The following ZFPM2 variants were observed in gnomAD, a reference collection of about 807,000 sequenced individuals.
ZFPM2 encodes the protein zinc finger protein, FOG family member 2.
ZFPM2 carries 20 observed loss-of-function variants against 98.6 expected under a neutral mutation model. That is an observed-to-expected ratio of 0.20 (90% CI 0.14 to 0.29). The LOEUF is 0.29. ZFPM2 is among the 10% of genes least tolerant of loss of function. The pLI, the probability that ZFPM2 is intolerant of heterozygous loss-of-function variation, is 1.00. For synonymous variants in ZFPM2, 518 were observed against 502.7 expected (o/e 1.03, Z -0.41); for missense variants, 1,310 against 1,388.6 (o/e 0.94, Z 0.90).
At chr8:105,570,285 G>C (rs1815326971) in intron 4 of ZFPM2, among the ~76,000 whole-genome samples, 1 of 151,900 alleles carries the variant, frequency 6.6e-6, no homozygotes, top group African/African-American at 2.4e-5. Context: ...ATTAGGGTAG[G>C]GTTTTTGTTG....
At chr8:105,395,170 G>A (rs1246422079) in intron 1 of ZFPM2, among the ~76,000 whole-genome samples, 2 of 152,254 alleles carry the variant, frequency 1.3e-5, no homozygotes, top group Admixed American at 1.3e-4. Flanking sequence ...TTCCGCTACA[G>A]AAGCTGCCAT....
chr8:105,776,980 T>C (rs1481361459), intron 5 of ZFPM2, among the ~76,000 whole-genome samples: 1 of 152,230 alleles, frequency 6.6e-6, no homozygotes, highest in East Asian at 1.9e-4. Flanking sequence ...TCTATCCATT[T>C]ATCTCCCTGC....
intron 3 of ZFPM2, among the ~76,000 whole-genome samples, chr8:105,462,133 A>G (rs775308107): frequency 6.6e-6 from 1 of 152,120 alleles, no homozygotes. Flanking sequence ...TTCCTTTCCA[A>G]TGCACAACAT....
intron 5 of ZFPM2, among the ~76,000 whole-genome samples, chr8:105,696,391 C>T (rs1811020742): frequency 6.6e-6 from 1 of 152,150 alleles, no homozygotes; most frequent in Non-Finnish European, 1.5e-5. Flanking sequence ...GTGTGACTCT[C>T]ATTCAACATG....
chr8:105,423,894 T>C (rs1280260239), intron 2 of ZFPM2, among the ~76,000 whole-genome samples: 1 of 152,180 alleles, frequency 6.6e-6, no homozygotes, highest in African/African-American at 2.4e-5. Context: ...GAAATAAACA[T>C]GTTTTGGGAT....
chr8:105,445,927 C>CT (rs777272173), intron 3 of ZFPM2, among the ~76,000 whole-genome samples: 4,217 of 145,664 alleles, frequency 0.029, 102 homozygotes, highest in African/African-American at 0.059. Flanking sequence ...TTTCTTTTTT[C>CT]TTTTTTTTTT....
intron 5 of ZFPM2, among the ~76,000 whole-genome samples, chr8:105,686,271 A>G (rs1339100975): frequency 1.3e-5 from 2 of 152,130 alleles, no homozygotes; most frequent in Non-Finnish European, 1.5e-5. Flanking sequence ...CAGCTTGCCA[A>G]CCAAGACAAT....
At chr8:105,652,207 G>A (rs1160139125) in intron 5 of ZFPM2, among the ~76,000 whole-genome samples, 1 of 150,444 alleles carries the variant, frequency 6.6e-6, no homozygotes, top group Non-Finnish European at 1.5e-5. Context: ...CTAGGGGAAG[G>A]TCAGTCAGAA....
rs186082125 is a variant in ZFPM2 at position 105,747,025 on chromosome 8, A to G, written c.533-41693A>G. Among the ~76,000 whole-genome samples, 17 of 152,224 alleles carry G rather than the reference A, an allele frequency of 1.1e-4. No individual in the cohort carries two copies. The East Asian group carries it at 2.7e-3, about 24-fold the overall frequency. Reference sequence around the variant, plus strand: ...ACACTGGGGGAAAAAAACTTCAAATAGCAATTAAGTATTTTTTTTCTTATT... The same window carrying G: ...ACACTGGGGGAAAAAAACTTCAAATGGCAATTAAGTATTTTTTTTCTTATT... On this transcript the variant is annotated intron_variant, in intron 5 of 7. Coordinates refer to ENST00000407775, the MANE Select transcript of ZFPM2 (RefSeq NM_012082.4).
intron 5 of ZFPM2, among the ~76,000 whole-genome samples, chr8:105,654,195 T>G (rs568203710): frequency 1.1e-4 from 16 of 147,088 alleles, no homozygotes; most frequent in Admixed American, 5.4e-4. Flanking sequence ...TCCTGCGAAG[T>G]AAAAGAGGAA....
intron 5 of ZFPM2, among the ~76,000 whole-genome samples, chr8:105,736,153 A>C: frequency 6.6e-6 from 1 of 152,000 alleles, no homozygotes; most frequent in South Asian, 2.1e-4. Context: ...CATGATGGTT[A>C]AAATTGTGGT....
intron 5 of ZFPM2, chr8:105,787,579 G>T (rs1813456106): frequency 6.6e-6 from 1 of 152,114 alleles, no homozygotes; most frequent in Non-Finnish European, 1.5e-5. Context: ...ACCACAAGTT[G>T]TTTAAAAACC....
At chr8:105,463,980 C>T (rs557618139) in intron 3 of ZFPM2, among the ~76,000 whole-genome samples, 18 of 152,182 alleles carry the variant, frequency 1.2e-4, no homozygotes, top group Non-Finnish European at 2.1e-4. Flanking sequence ...AAAATCCCCG[C>T]CTCCCCGCTA....
At chr8:105,726,579 C>T (rs1422364917) in intron 5 of ZFPM2, among the ~76,000 whole-genome samples, 2 of 151,788 alleles carry the variant, frequency 1.3e-5, no homozygotes, top group African/African-American at 4.8e-5. Context: ...CTAGCATCAA[C>T]TTTGTGCAAG....
At chr8:105,679,414 C>G (rs1810550169) in intron 5 of ZFPM2, among the ~76,000 whole-genome samples, 1 of 152,076 alleles carries the variant, frequency 6.6e-6, no homozygotes, top group East Asian at 1.9e-4. Context: ...GAGTTTGTCA[C>G]CTCTGTTGTT....
chr8:105,384,203 G>A (rs1810941251), intron 1 of ZFPM2, among the ~76,000 whole-genome samples: 1 of 152,030 alleles, frequency 6.6e-6, no homozygotes, highest in African/African-American at 2.4e-5. Context: ...CAGAAACACT[G>A]AGAGAGAAAA....
intron 1 of ZFPM2, among the ~76,000 whole-genome samples, chr8:105,413,360 A>G (rs1811614984): frequency 6.6e-6 from 1 of 151,532 alleles, no homozygotes; most frequent in South Asian, 2.1e-4. Context: ...GAGTTTTGAT[A>G]TATTTGTGTA....
intron 3 of ZFPM2, among the ~76,000 whole-genome samples, chr8:105,495,407 T>G (rs994610475): frequency 1.3e-5 from 2 of 152,200 alleles, no homozygotes; most frequent in African/African-American, 4.8e-5. Context: ...TAAAAAAAAT[T>G]TTGCTCCCTT....
chr8:105,328,407 C>G (rs1215724064), intron 1 of ZFPM2, among the ~76,000 whole-genome samples: 1 of 151,688 alleles, frequency 6.6e-6, no homozygotes, highest in Non-Finnish European at 1.5e-5. Flanking sequence ...TGCTTATATC[C>G]ACAAAATATA....
Sources: gnomAD v4.1 joint callset for allele counts (sites outside exome capture counted in the v4.1 genomes callset) on GRCh38, gnomAD v4.1.1 for gene constraint, MANE v1.5 for transcripts, NCBI Gene and HGNC (gene_info 2026-07-23, HGNC 2026-07-21) for gene names.